UNC13C: variants seen among roughly 807,000 people sequenced by gnomAD.
UNC13C encodes the protein unc-13 homolog C.
A neutral mutation model predicts 245.4 loss-of-function variants in UNC13C; 174 were observed. The observed-to-expected ratio is 0.71, with a 90% CI of 0.63 to 0.80. The LOEUF (loss-of-function observed/expected upper bound fraction) is 0.80, where lower values mean the gene tolerates loss of function less well. UNC13C is among the 30% of genes least tolerant of loss of function. The pLI, the probability that UNC13C is intolerant of heterozygous loss-of-function variation, is 0.00. For missense variants in UNC13C, 2,829 were observed against 2,602.9 expected (o/e 1.09, Z -1.89); for synonymous variants, 992 against 895.1 (o/e 1.11, Z -1.93).
rs1255569187 is a variant in UNC13C at position 54,623,860 on chromosome 15, A to G, written c.6265A>G (p.Ile2089Val). 1.2e-6 allele frequency: 2 copies of G among 1,613,184 alleles called. No homozygotes were observed. Among genetic ancestry groups the G allele is most frequent in the Non-Finnish European group, 8.5e-7 (1 of 1,179,504 alleles). ...GTTCCGCCCCTTTGTGGAAGTTTGT[A>G]TACTGGGACCCAACCTTGGAGACAA... ...AMFRPFVEVC[I>V]LGPNLGDKKR... is the part of the protein sequence containing the mutation. Residue 2089 changes from isoleucine to valine, a missense_variant, in exon 32 of 33, where the codon ATA becomes GTA. Coordinates refer to ENST00000260323, the MANE Select transcript of UNC13C (RefSeq NM_001080534.3).
intron 19 of UNC13C, among the ~76,000 whole-genome samples, chr15:54,490,791 C>G (rs988261722): frequency 6.6e-6 from 1 of 151,926 alleles, no homozygotes; most frequent in African/African-American, 2.4e-5. Context: ...CATAATTTTG[C>G]GGACATGCAC....
chr15:54,551,935 A>C (rs1356402726), intron 28 of UNC13C, among the ~76,000 whole-genome samples: 1 of 151,766 alleles, frequency 6.6e-6, no homozygotes, highest in Non-Finnish European at 1.5e-5. Flanking sequence ...ATTTAAAAAA[A>C]ATGTTAAACT....
At chr15:53,937,033 A>G in the UNC13C span, among the ~76,000 whole-genome samples, 1 of 152,210 alleles carries the variant, frequency 6.6e-6, no homozygotes, top group South Asian at 2.1e-4. Flanking sequence ...TGAGGCTGAG[A>G]TGGCTGAATT....
At chr15:53,845,257 T>G in the UNC13C span, among the ~76,000 whole-genome samples, 1 of 148,562 alleles carries the variant, frequency 6.7e-6, no homozygotes, top group Admixed American at 6.9e-5. Flanking sequence ...CCTGGGAGGC[T>G]GAGGTTGCAG....
chr15:54,190,142 G>A (rs1219266914), intron 4 of UNC13C, among the ~76,000 whole-genome samples: 1 of 152,062 alleles, frequency 6.6e-6, no homozygotes, highest in Admixed American at 6.6e-5. Flanking sequence ...AACCCTACAA[G>A]TTGGTTAATA....
At chr15:54,602,779 A>G (rs934059307) in intron 30 of UNC13C, among the ~76,000 whole-genome samples, 4 of 64,766 alleles carry the variant, frequency 6.2e-5, no homozygotes, top group East Asian at 4.4e-4. Context: ...ATTGTAATCA[A>G]TTCTTTGCAT....
intron 30 of UNC13C, among the ~76,000 whole-genome samples, 190 bp downstream of exon 30, chr15:54,568,137 T>A (rs944914908): frequency 1.3e-5 from 2 of 152,092 alleles, no homozygotes; most frequent in Non-Finnish European, 2.9e-5. Context: ...TTATAAATAA[T>A]TTTAATAACA....
At chr15:54,482,728 A>G (rs772323968) in intron 19 of UNC13C, among the ~76,000 whole-genome samples, 3 of 149,576 alleles carry the variant, frequency 2.0e-5, no homozygotes, top group Non-Finnish European at 3.0e-5. Flanking sequence ...CCCATCTTGA[A>G]GTCTCCTGCA....
rs76756922 is a variant in UNC13C at position 54,578,343 on chromosome 15, T to A, written c.6106+10396T>A. Among the ~76,000 whole-genome samples, 4 of 150,164 alleles carry A rather than the reference T, an allele frequency of 2.7e-5. No individual in the cohort carries two copies. In the Admixed American group the frequency reaches 2.7e-4, roughly 10 times the overall value. On this transcript the variant is annotated intron_variant, in intron 30 of 32. Transcript: ENST00000260323. ...GAATACTTGAAAGATTACATTTTTTTATCGCACTCACATTTTTAATCAACA... is the reference window on the plus strand; with the variant it reads ...GAATACTTGAAAGATTACATTTTTTAATCGCACTCACATTTTTAATCAACA...
At chr15:54,097,870 A>G (rs1052412143) in intron 2 of UNC13C, among the ~76,000 whole-genome samples, 1 of 152,218 alleles carries the variant, frequency 6.6e-6, no homozygotes, top group Non-Finnish European at 1.5e-5. Context: ...TTGTGATGGG[A>G]ACAACACTCA....
intron 2 of UNC13C, among the ~76,000 whole-genome samples, chr15:54,024,604 T>C (rs1017730606): frequency 7.9e-5 from 12 of 152,140 alleles, no homozygotes; most frequent in Non-Finnish European, 1.6e-4. Context: ...TTTCAGCCTA[T>C]TGTATGCTTC....
At chr15:53,941,997 A>C in the UNC13C span, among the ~76,000 whole-genome samples, 1 of 152,166 alleles carries the variant, frequency 6.6e-6, no homozygotes, top group South Asian at 2.1e-4. Context: ...ACAGTGTGGC[A>C]ATACCTTAAA....
chr15:53,997,465 A>C (rs1203527595), intron 1 of UNC13C, among the ~76,000 whole-genome samples: 1 of 152,124 alleles, frequency 6.6e-6, no homozygotes, highest in Non-Finnish European at 1.5e-5. Flanking sequence ...ACTTCTAAGA[A>C]ATTTTTCTAT....
At chr15:54,205,119 C>T (rs968782148) in intron 4 of UNC13C, among the ~76,000 whole-genome samples, 4 of 151,896 alleles carry the variant, frequency 2.6e-5, no homozygotes, top group Admixed American at 6.6e-5. Flanking sequence ...GACTCCCTAA[C>T]GGTCTGTTAA....
At chr15:54,593,267 A>C (rs952307933) in intron 30 of UNC13C, among the ~76,000 whole-genome samples, 1 of 152,194 alleles carries the variant, frequency 6.6e-6, no homozygotes, top group Non-Finnish European at 1.5e-5. Context: ...ACATTGGATA[A>C]CTTGATGGCC....
intron 18 of UNC13C, among the ~76,000 whole-genome samples, chr15:54,405,758 A>G (rs1375526098): frequency 2.0e-5 from 3 of 152,146 alleles, no homozygotes; most frequent in East Asian, 1.9e-4. Context: ...CACTTACTGT[A>G]TTTTACTCAT....
intron 19 of UNC13C, among the ~76,000 whole-genome samples, chr15:54,470,824 A>T (rs76983955): frequency 0.015 from 2,272 of 150,736 alleles, 48 homozygotes; most frequent in African/African-American, 0.051. Context: ...TAGTTACTTG[A>T]GATGTAACTT....
chr15:53,941,478 A>G, the UNC13C span, among the ~76,000 whole-genome samples: 1 of 152,208 alleles, frequency 6.6e-6, no homozygotes, highest in Non-Finnish European at 1.5e-5. Context: ...TCTGCAATCA[A>G]AAGAAACTAT....
the UNC13C span, among the ~76,000 whole-genome samples, chr15:53,930,097 G>A: frequency 2.0e-5 from 3 of 152,114 alleles, no homozygotes; most frequent in Admixed American, 6.5e-5. Flanking sequence ...AAGCATGCAA[G>A]GTGGCCTTTC....
Sources: allele counts gnomAD v4.1 joint callset (sites outside exome capture counted in the v4.1 genomes callset), GRCh38; gene constraint gnomAD v4.1.1; transcripts MANE v1.5; gene names NCBI Gene and HGNC (gene_info 2026-07-23, HGNC 2026-07-21).